Variants in C4orf50 observed in about 807,000 individuals in gnomAD.
The protein encoded by C4orf50 is chromosome 4 open reading frame 50.
C4orf50 carries 80 observed loss-of-function variants against 77.2 expected under a neutral mutation model. The ratio of observed to expected loss-of-function variants is 1.04; its 90% confidence interval spans 0.87 to 1.25. The LOEUF (loss-of-function observed/expected upper bound fraction) is 1.25. C4orf50 is among the 50% of genes most tolerant of loss of function. C4orf50 has a pLI of 0.00. For synonymous variants in C4orf50, 532 were observed against 465.3 expected (o/e 1.14, Z -1.84); for missense variants, 1,257 against 1,152.9 (o/e 1.09, Z -1.31).
chr4:5,955,081 C>T (rs142962853), downstream of C4orf50, among the ~76,000 whole-genome samples: 6 of 152,176 alleles, frequency 3.9e-5, no homozygotes, highest in African/African-American at 1.4e-4. This position sits in a 1 kb window ranked among gnomAD's most constrained non-coding sequence, Gnocchi z 5.1. Flanking sequence ...TCCCTCTGAG[C>T]GCCCGCCCCT....
chr4:5,928,782 T>A (rs1717634654), intron 7 of C4orf50, among the ~76,000 whole-genome samples: 1 of 152,214 alleles, frequency 6.6e-6, no homozygotes, highest in East Asian at 1.9e-4. Flanking sequence ...TTAAAAACTT[T>A]CTTGTTTTTC....
intron 25 of C4orf50, among the ~76,000 whole-genome samples, chr4:6,003,103 G>A (rs35119989): frequency 0.031 from 4,725 of 152,216 alleles, 76 homozygotes; most frequent in Middle Eastern, 0.041. Flanking sequence ...CCAGACAGCC[G>A]TCCCCAGATG....
intron 30 of C4orf50, among the ~76,000 whole-genome samples, chr4:5,975,146 A>ACAACAAC (rs1560575561): frequency 1.1e-4 from 3 of 26,550 alleles, no homozygotes; most frequent in African/African-American, 4.8e-4. Context: ...TCTCAAAAAA[A>ACAACAAC]AAAAAAAAAA....
At chr4:5,952,511 C>T (rs1304160213), downstream of C4orf50, among the ~76,000 whole-genome samples, 3 of 152,070 alleles carry the variant, frequency 2.0e-5, no homozygotes, top group Non-Finnish European at 2.9e-5. The surrounding 1 kb of genome is among the most constrained non-coding windows in gnomAD (Gnocchi z 4.4). Flanking sequence ...TGGCCCCAGG[C>T]GGCACAGTCA....
At chr4:6,006,142 G>GT (rs2108807825) in intron 25 of C4orf50, among the ~76,000 whole-genome samples, 1 of 152,280 alleles carries the variant, frequency 6.6e-6, no homozygotes, top group Admixed American at 6.5e-5. Context: ...GGATAAAGCA[G>GT]TAAGAAGGTC....
chr4:5,908,082 C>T lies in C4orf50; in HGVS notation c.*2475-9894G>A, dbSNP rs564299000. Among the ~76,000 whole-genome samples, 5 of 152,084 alleles carry T rather than the reference C, an allele frequency of 3.3e-5. No individual in the cohort carries two copies. The East Asian group carries it at 9.7e-4, about 30-fold the overall frequency. Reference sequence around the variant, plus strand: ...ATTCATTTGCTTGTTTATTCATTCACTCATTTATTTGCTCATTTTTAAGTA... The same window carrying T: ...ATTCATTTGCTTGTTTATTCATTCATTCATTTATTTGCTCATTTTTAAGTA... On this transcript the variant is annotated intron_variant, in intron 7 of 7. Transcript: ENST00000324058. This position sits in a 1 kb window ranked among gnomAD's most constrained non-coding sequence, Gnocchi z 5.6.
At chr4:5,971,595 A>G (rs1209190713) in intron 31 of C4orf50, among the ~76,000 whole-genome samples, 2 of 152,206 alleles carry the variant, frequency 1.3e-5, no homozygotes, top group African/African-American at 4.8e-5. Context: ...CGATGACATT[A>G]TTAAAATAAC....
At chr4:5,907,824 TG>T (rs993141300) in intron 7 of C4orf50, among the ~76,000 whole-genome samples, 1 of 152,222 alleles carries the variant, frequency 6.6e-6, no homozygotes, top group African/African-American at 2.4e-5. Flanking sequence ...GGCCCTAAAG[TG>T]GGGTCAAGCT....
At chr4:5,915,048 A>G (rs1400899956) in intron 7 of C4orf50, among the ~76,000 whole-genome samples, 1 of 152,200 alleles carries the variant, frequency 6.6e-6, no homozygotes, top group Non-Finnish European at 1.5e-5. Context: ...ATTATCTTCA[A>G]TATACAGGAC....
chr4:5,984,477 G>T (rs1024843498), intron 28 of C4orf50, among the ~76,000 whole-genome samples: 1 of 152,110 alleles, frequency 6.6e-6, no homozygotes, highest in African/African-American at 2.4e-5. Flanking sequence ...GAAAAATAAA[G>T]AAAATGGATG....
intron 33 of C4orf50, among the ~76,000 whole-genome samples, chr4:5,961,760 T>C (rs1379465974): frequency 6.6e-6 from 1 of 152,216 alleles, no homozygotes; most frequent in African/African-American, 2.4e-5. Flanking sequence ...CATCTCCTCA[T>C]TCACTAAAGA....
chr4:5,915,761 T>C (rs1197472114), intron 7 of C4orf50, among the ~76,000 whole-genome samples: 3 of 152,188 alleles, frequency 2.0e-5, no homozygotes, highest in African/African-American at 7.2e-5. Context: ...ATAGGATGTG[T>C]CCTGTTTCTT....
chr4:5,989,284 C>G (rs750736677), exon 28 of C4orf50: 2 of 1,536,076 alleles, frequency 1.3e-6, no homozygotes, highest in Non-Finnish European at 8.7e-7. Flanking sequence ...GCTCCTCACT[C>G]TCTCGAGGGC....
intron 33 of C4orf50, among the ~76,000 whole-genome samples, chr4:5,964,468 C>A (rs6851728): frequency 0.32 from 49,049 of 151,932 alleles, 8,093 homozygotes; most frequent in Admixed American, 0.42. Context: ...TGTCCAGCAT[C>A]CACTAAAAGT....
Position 5,992,589 on chromosome 4 carries a change from A to G in C4orf50, c.1221+214T>C, listed in dbSNP as rs574643090. ...CCGTGGAAGCCCAGGCCTGGCACCC[A>G]GTTAACCCCCTTCCTCCCCACCCCC... On this transcript the variant is annotated intron_variant, in intron 27 of 33. Transcript: ENST00000531445. This position sits in a 1 kb window ranked among gnomAD's most constrained non-coding sequence, Gnocchi z 5.0. Among the ~76,000 whole-genome samples the G allele has an allele frequency of 3.3e-5, 5 of 152,188 alleles. No individual in the cohort carries two copies. Among genetic ancestry groups the G allele is most frequent in the Admixed American group, 1.3e-4 (2 of 15,302 alleles).
At chr4:5,966,348 G>A (rs747259312) in intron 32 of C4orf50, among the ~76,000 whole-genome samples, 9 of 151,966 alleles carry the variant, frequency 5.9e-5, no homozygotes, top group Non-Finnish European at 8.8e-5. Flanking sequence ...GATAGTGGGC[G>A]CCTGCAATCT....
chr4:5,936,540 C>A (rs1447441414), intron 7 of C4orf50, among the ~76,000 whole-genome samples: 7 of 109,124 alleles, frequency 6.4e-5, no homozygotes, highest in Non-Finnish European at 1.0e-4. Flanking sequence ...CCAGCCTGGG[C>A]AACAATGGCA....
rs766647076 is a variant in C4orf50 at position 5,989,585 on chromosome 4, G to T, written c.2461C>A (p.Gln821Lys). ...CACTGCCAGCCCCTGCTGCCCGGCT[G>T]CAGGGTGGACAGCTGCTGGAAACAA... is the stretch of plus-strand genomic sequence containing the variant. Residue 821 changes from glutamine (Q) to lysine (K), a missense_variant, in exon 28 of 34, where the codon CAG becomes AAG. Gln to Lys is a moderately conservative substitution (Grantham distance 53). Coordinates refer to ENST00000531445, the Ensembl canonical transcript of C4orf50. 1.2e-5 allele frequency: 18 copies of T among 1,536,048 alleles called. 1 individual carries two copies. The South Asian group carries it at 2.0e-4, about 17-fold the overall frequency.
In C4orf50 at chr4:5,939,028, G is replaced by A. The variant is rs544353624; in HGVS notation, c.*2474+17873C>T. ...AGGCCAAGGCAGGGGGATCACCCGAGGTCAGGAGTTCAAGACCAGCCTGGC... is the reference window on the plus strand; with the variant it reads ...AGGCCAAGGCAGGGGGATCACCCGAAGTCAGGAGTTCAAGACCAGCCTGGC... On this transcript the variant is annotated intron_variant, in intron 7 of 7. Transcript: ENST00000324058. Among the ~76,000 whole-genome samples, 4 of 152,214 alleles carry A rather than the reference G, an allele frequency of 2.6e-5. No homozygotes were observed. In the South Asian group the frequency reaches 8.3e-4, roughly 32 times the overall value.
Sources: gnomAD v4.1 joint callset for allele counts (sites outside exome capture counted in the v4.1 genomes callset) on GRCh38, gnomAD v4.1.1 for gene constraint, Gnocchi (gnomAD v3.1) non-coding constraint, MANE v1.5 for transcripts, NCBI Gene and HGNC (gene_info 2026-07-23, HGNC 2026-07-21) for gene names.